The following CDH10 variants were observed in gnomAD, a reference collection of about 807,000 sequenced individuals.
CDH10 encodes cadherin 10.
Under a neutral mutation model 73.1 loss-of-function variants are expected in CDH10, and 30 were observed. That is an observed-to-expected ratio of 0.41 (90% CI 0.31 to 0.56). The LOEUF (loss-of-function observed/expected upper bound fraction) is 0.56, where lower values mean the gene tolerates loss of function less well. Ranked by LOEUF, CDH10 falls within the 20% of genes least tolerant of loss-of-function variation. The pLI is 0.27. For missense variants in CDH10, 815 were observed against 973.7 expected, an observed-to-expected ratio of 0.84 and a Z score of 2.17; for synonymous variants, 345 against 348.2, an observed-to-expected ratio of 0.99 and a Z score of 0.10.
intron 1 of CDH10, among the ~76,000 whole-genome samples, chr5:24,624,049 A>G (rs527775755): frequency 1.1e-3 from 163 of 152,188 alleles, no homozygotes; most frequent in Non-Finnish European, 1.6e-3. Context: ...CCACACAGCA[A>G]CTGTTTTTTG....
intron 8 of CDH10, among the ~76,000 whole-genome samples, chr5:24,502,644 G>C (rs773736665): frequency 2.0e-4 from 31 of 152,128 alleles, no homozygotes; most frequent in Non-Finnish European, 3.7e-4. Flanking sequence ...TTTAAAAAAA[G>C]AAGTAATTGG....
intron 1 of CDH10, among the ~76,000 whole-genome samples, chr5:24,632,108 G>T (rs116313478): frequency 1.8e-3 from 277 of 152,054 alleles, no homozygotes; most frequent in Non-Finnish European, 2.9e-3. Flanking sequence ...CTATATTTTA[G>T]ACAAAAATTG....
chr5:24,617,586 T>C (rs1254298848), intron 1 of CDH10, among the ~76,000 whole-genome samples: 3 of 152,190 alleles, frequency 2.0e-5, no homozygotes, highest in Non-Finnish European at 2.9e-5. Context: ...TACTATTTTT[T>C]AAAAAGCTCT....
chr5:24,541,350 C>G (rs912675134), intron 2 of CDH10, among the ~76,000 whole-genome samples: 9 of 151,926 alleles, frequency 5.9e-5, no homozygotes, highest in African/African-American at 2.2e-4. Flanking sequence ...ACCACCTTCC[C>G]TCATTCTTTG....
At chr5:24,627,814 G>T (rs1747562779) in intron 1 of CDH10, among the ~76,000 whole-genome samples, 1 of 151,628 alleles carries the variant, frequency 6.6e-6, no homozygotes, top group South Asian at 2.1e-4. Flanking sequence ...ATTAGTGAAA[G>T]CACAACGATA....
At chr5:24,588,204 T>A (rs1343535996) in intron 2 of CDH10, among the ~76,000 whole-genome samples, 2 of 152,180 alleles carry the variant, frequency 1.3e-5, no homozygotes, top group Non-Finnish European at 2.9e-5. Context: ...ACCTGATTAA[T>A]GTTTTCCAGA....
At chr5:24,576,285 T>C (rs1015643001) in intron 2 of CDH10, among the ~76,000 whole-genome samples, 22 of 152,252 alleles carry the variant, frequency 1.4e-4, no homozygotes, top group African/African-American at 3.9e-4. Flanking sequence ...GTGTATTACA[T>C]TGATATCTCA....
chr5:24,584,297 C>A (rs4701452), intron 2 of CDH10, among the ~76,000 whole-genome samples: 37,522 of 151,736 alleles, frequency 0.25, 4,809 homozygotes, highest in Admixed American at 0.29. Context: ...TGAGAAAGGT[C>A]TTTTTAAAAA....
chr5:24,608,104 G>A (rs890776604), intron 1 of CDH10, among the ~76,000 whole-genome samples: 1 of 151,954 alleles, frequency 6.6e-6, no homozygotes, highest in Non-Finnish European at 1.5e-5. Context: ...CAGTAGTATA[G>A]CCATGTTCTT....
intron 1 of CDH10, among the ~76,000 whole-genome samples, chr5:24,608,242 T>C (rs1746826213): frequency 6.6e-6 from 1 of 152,178 alleles, no homozygotes. Flanking sequence ...ATTCTATTTG[T>C]CAACACACGT....
At chr5:24,640,311 A>AAGAG (rs1194267917) in intron 1 of CDH10, among the ~76,000 whole-genome samples, 1 of 151,292 alleles carries the variant, frequency 6.6e-6, no homozygotes, top group Non-Finnish European at 1.5e-5. Flanking sequence ...GATGGGGTAG[A>AAGAG]AGAGAGAGAG....
intron 2 of CDH10, among the ~76,000 whole-genome samples, chr5:24,540,061 GT>G (rs1443105940): frequency 6.6e-6 from 1 of 151,820 alleles, no homozygotes; most frequent in East Asian, 1.9e-4. Context: ...TAAGAATTGT[GT>G]ACTTCTTAAT....
intron 5 of CDH10, among the ~76,000 whole-genome samples, chr5:24,528,197 CT>C (rs143473724): frequency 0.023 from 3,486 of 151,866 alleles, 142 homozygotes; most frequent in African/African-American, 0.078. Flanking sequence ...TAGAACAGTG[CT>C]TTTGCATGTA....
chr5:24,608,226 T>G (rs1746825698), intron 1 of CDH10, among the ~76,000 whole-genome samples: 1 of 152,138 alleles, frequency 6.6e-6, no homozygotes, highest in South Asian at 2.1e-4. Context: ...TTCTATGACT[T>G]TTCTTATTCT....
At chr5:24,542,345 AT>A (rs558532051) in intron 2 of CDH10, among the ~76,000 whole-genome samples, 50 of 152,304 alleles carry the variant, frequency 3.3e-4, no homozygotes, top group African/African-American at 1.2e-3. Context: ...ACATGAAAAC[AT>A]TTCAATGACA....
In CDH10 at chr5:24,513,451, C is replaced by G. The variant is rs571018025; in HGVS notation, c.815-1937G>C. On this transcript the variant is annotated intron_variant, in intron 5 of 11. Coordinates refer to ENST00000264463, the MANE Select transcript of CDH10 (RefSeq NM_006727.5). The stretch of plus-strand genomic sequence containing the variant: ...GACTGTTTGTTGGGCTATGCCAAGC[C>G]AAGGAGAGAGGCTTCAGAAAAAATG... 3.3e-5 allele frequency among the ~76,000 whole-genome samples: 5 copies of G among 152,198 alleles called. No individual in the cohort carries two copies. In the South Asian group the frequency reaches 1.0e-3, roughly 32 times the overall value.
At chr5:24,609,802 C>T (rs1275971599) in intron 1 of CDH10, 1 of 152,328 alleles carries the variant, frequency 6.6e-6, no homozygotes, top group African/African-American at 2.4e-5. Context: ...GTCATCCTCA[C>T]AACTGCTGAT....
At chr5:24,644,289 A>G (rs908059134) in intron 1 of CDH10, among the ~76,000 whole-genome samples, 6 of 152,152 alleles carry the variant, frequency 3.9e-5, no homozygotes, top group Admixed American at 3.3e-4. Context: ...ACTTCATAAC[A>G]TATTTTTTAG....
chr5:24,604,981 TGTATAAAGAATTG>T (rs1254941500), intron 1 of CDH10, among the ~76,000 whole-genome samples: 1 of 152,012 alleles, frequency 6.6e-6, no homozygotes, highest in Non-Finnish European at 1.5e-5. Flanking sequence ...TTTTTCATAC[TGTATAAAGAATTG>T]CCAAATCTCC....
Sources: allele counts gnomAD v4.1 joint callset (sites outside exome capture counted in the v4.1 genomes callset), GRCh38; gene constraint gnomAD v4.1.1; transcripts MANE v1.5; gene names NCBI Gene and HGNC (gene_info 2026-07-23, HGNC 2026-07-21).